Variants in OBI1 observed in about 807,000 individuals in gnomAD.
The protein encoded by OBI1 is ORC ubiquitin ligase 1, also known as ring finger protein 219.
Under a neutral mutation model 62.4 loss-of-function variants are expected in OBI1, and 59 were observed. The observed-to-expected ratio is 0.95, with a 90% CI of 0.77 to 1.17. The LOEUF is 1.17. Ranked by LOEUF, OBI1 falls within the 50% of genes most tolerant of loss-of-function variation. The pLI, the probability that OBI1 is intolerant of heterozygous loss-of-function variation, is 0.00. For missense variants in OBI1, 875 were observed against 830.9 expected, an observed-to-expected ratio of 1.05 and a Z score of -0.65; for synonymous variants, 302 against 292.8, an observed-to-expected ratio of 1.03 and a Z score of -0.32.
At chr13:78,624,740 C>T (rs1016362563) in intron 5 of OBI1, among the ~76,000 whole-genome samples, 2 of 152,134 alleles carry the variant, frequency 1.3e-5, no homozygotes, top group Admixed American at 6.5e-5. Context: ...AGGGCTGACC[C>T]ACATAGTATT....
chr13:78,649,786 CT>C (rs1327207923), intron 1 of OBI1, among the ~76,000 whole-genome samples: 3 of 152,194 alleles, frequency 2.0e-5, no homozygotes, highest in Non-Finnish European at 4.4e-5. Flanking sequence ...GGTTTGTCTT[CT>C]TTTGCAACAG....
intron 3 of OBI1, among the ~76,000 whole-genome samples, chr13:78,640,263 G>A (rs1483469566): frequency 2.0e-5 from 3 of 151,788 alleles, no homozygotes; most frequent in Non-Finnish European, 4.4e-5. Context: ...AGGACCCTTA[G>A]GGATACCAAA....
intron 1 of OBI1, 86 bp downstream of exon 1, chr13:78,658,963 C>A (rs1002765050): frequency 4.8e-6 from 6 of 1,260,512 alleles, no homozygotes; most frequent in Non-Finnish European, 6.9e-6. Context: ...CACGCCCCTT[C>A]CCCGCCCCCG....
At chr13:78,643,645 G>A (rs1191001913) in intron 2 of OBI1, among the ~76,000 whole-genome samples, 8 of 151,988 alleles carry the variant, frequency 5.3e-5, no homozygotes, top group Admixed American at 6.6e-5. Context: ...AAAATTAGCC[G>A]GGCGTGGTGA....
chr13:78,644,862 C>T lies in OBI1; in HGVS notation c.208G>A (p.Gly70Arg). 6.2e-7 allele frequency: 1 copy of T among 1,613,648 alleles called. No individual in the cohort carries two copies. Among genetic ancestry groups the T allele is most frequent in the East Asian group, 2.2e-5 (1 of 44,874 alleles). ...ATGCATATATAAAACAGGCCCTTAC[C>T]TATAATTTCTTTGCAAGGATTTTCA... is the stretch of plus-strand genomic sequence containing the variant. ...TPENPCKEII[G>R]GTSESEPMLS... is the part of the protein sequence containing the mutation. The change falls in exon 2 of 6, where the codon GGA becomes AGA. Residue 70 changes from glycine (G) to arginine (R), a missense_variant and splice_region_variant. Transcript: ENST00000282003.
At chr13:78,642,265 T>C (rs1197012955) in intron 2 of OBI1, 52 bp from the exon 3 acceptor site, 6 of 1,148,376 alleles carry the variant, frequency 5.2e-6, no homozygotes, top group Non-Finnish European at 7.8e-6. Flanking sequence ...TCGGGAAGAA[T>C]GAAAATGATC....
In OBI1 at chr13:78,617,139, G is replaced by A. The variant is rs368818513; in HGVS notation, c.639-17C>T. 2 of 1,517,168 alleles carry A rather than the reference G, an allele frequency of 1.3e-6. No homozygotes were observed. Among genetic ancestry groups the A allele is most frequent in the South Asian group, 2.7e-5 (2 of 74,740 alleles). 94.0% of individuals were successfully genotyped at this position (1,517,168 alleles called of 1,614,324 possible). A position where few individuals can be genotyped will look rare whatever the true frequency, so the allele number is the denominator to read the frequency against. On this transcript the variant is annotated splice_polypyrimidine_tract_variant and intron_variant, in intron 5 of 5. Coordinates refer to ENST00000282003, the MANE Select transcript of OBI1 (RefSeq NM_024546.4). ...CTTCCAAACCTACAAAGAATGGAAA[G>A]ATAGTTAATCTTATAACTCAAGCTT...
chr13:78,648,835 C>T (rs550044909), intron 1 of OBI1, among the ~76,000 whole-genome samples: 1 of 151,912 alleles, frequency 6.6e-6, no homozygotes, highest in African/African-American at 2.4e-5. Flanking sequence ...ATCACTTGAA[C>T]CCGGGAGGCA....
chr13:78,651,594 C>A (rs1191481735), intron 1 of OBI1, among the ~76,000 whole-genome samples: 1 of 152,082 alleles, frequency 6.6e-6, no homozygotes, highest in Non-Finnish European at 1.5e-5. Context: ...CTCCTGGTCT[C>A]TCCATCCTCC....
chr13:78,624,322 A>G (rs983675201), intron 5 of OBI1, among the ~76,000 whole-genome samples: 4 of 152,238 alleles, frequency 2.6e-5, no homozygotes, highest in African/African-American at 9.6e-5. Context: ...GGAACAAGAC[A>G]AAGAATTATG....
At chr13:78,620,764 A>T (rs999877129) in intron 5 of OBI1, 14 of 408,470 alleles carry the variant, frequency 3.4e-5, no homozygotes, top group African/African-American at 2.8e-4. Context: ...TAACAACAAA[A>T]AGTTCCTAAG....
At chr13:78,644,460 C>A (rs1311014241) in intron 2 of OBI1, among the ~76,000 whole-genome samples, 1 of 151,974 alleles carries the variant, frequency 6.6e-6, no homozygotes, top group African/African-American at 2.4e-5. Context: ...AGGAAATGCC[C>A]TCCTTAATTT....
chr13:78,617,423 A>G (rs1875349043), intron 5 of OBI1: 1 of 267,270 alleles, frequency 3.7e-6, no homozygotes, highest in African/African-American at 2.2e-5. Flanking sequence ...GGCTGTATCA[A>G]TTCAGCTCAT....
At chr13:78,642,319 C>G in intron 2 of OBI1, 106 bp from the exon 3 acceptor site, 1 of 707,818 alleles carries the variant, frequency 1.4e-6, no homozygotes, top group Admixed American at 2.3e-5. Context: ...TCACATCTAC[C>G]CTTCCCCTTA....
At chr13:78,649,359 T>G (rs935535501) in intron 1 of OBI1, among the ~76,000 whole-genome samples, 18 of 152,022 alleles carry the variant, frequency 1.2e-4, no homozygotes, top group Non-Finnish European at 8.8e-5. Flanking sequence ...GGCAAGAAAG[T>G]TTTTCAAGAG....
chr13:78,656,737 G>GC (rs1364401864), intron 1 of OBI1, among the ~76,000 whole-genome samples: 1 of 124,052 alleles, frequency 8.1e-6, no homozygotes, highest in Non-Finnish European at 1.7e-5. Context: ...CCTGGGGGGG[G>GC]GGGGGGAGGA....
intron 4 of OBI1, 149 bp downstream of exon 4, chr13:78,638,674 C>A (rs752491405): frequency 8.7e-6 from 6 of 687,884 alleles, no homozygotes; most frequent in Non-Finnish European, 1.4e-5. Context: ...AAGAAAAAGT[C>A]TTCTTATTGC....
At chr13:78,647,092 G>A (rs753672222) in intron 1 of OBI1, among the ~76,000 whole-genome samples, 2 of 152,202 alleles carry the variant, frequency 1.3e-5, no homozygotes, top group African/African-American at 4.8e-5. Context: ...AATGCACGGC[G>A]GAAAGCCGCA....
chr13:78,643,960 A>G (rs996043329), intron 2 of OBI1, among the ~76,000 whole-genome samples: 5 of 152,232 alleles, frequency 3.3e-5, no homozygotes, highest in African/African-American at 7.2e-5. Context: ...CCTAAAATAA[A>G]TAACTTATAT....
Sources: allele counts gnomAD v4.1 joint callset (sites outside exome capture counted in the v4.1 genomes callset), GRCh38; gene constraint gnomAD v4.1.1; transcripts MANE v1.5; gene names NCBI Gene and HGNC (gene_info 2026-07-23, HGNC 2026-07-21).